CYP19A1: variants seen among roughly 807,000 people sequenced by gnomAD.
The protein encoded by CYP19A1 is aromatase.
CYP19A1 carries 32 observed loss-of-function variants against 44.4 expected under a neutral mutation model. The ratio of observed to expected loss-of-function variants is 0.72; its 90% confidence interval spans 0.54 to 0.97. The LOEUF (loss-of-function observed/expected upper bound fraction) is 0.97, where lower values mean the gene tolerates loss of function less well. Among genes scored for constraint, CYP19A1 ranks in the 50% least tolerant of loss-of-function variants. The probability of loss-of-function intolerance (pLI) is 0.00; values close to 1 mark genes in which losing one functional copy is unlikely to be tolerated. For missense variants in CYP19A1, 598 were observed against 637.8 expected, an observed-to-expected ratio of 0.94 and a Z score of 0.67; for synonymous variants, 212 against 215.6, an observed-to-expected ratio of 0.98 and a Z score of 0.14.
At chr15:51,304,133 C>T (rs2036167822) in intron 1 of CYP19A1, among the ~76,000 whole-genome samples, 1 of 152,136 alleles carries the variant, frequency 6.6e-6, no homozygotes, top group Non-Finnish European at 1.5e-5. Flanking sequence ...AAAATATTGA[C>T]CTTGTATTTA....
At chr15:51,224,422 C>T (rs569575183) in intron 4 of CYP19A1, among the ~76,000 whole-genome samples, 2 of 152,296 alleles carry the variant, frequency 1.3e-5, no homozygotes, top group South Asian at 4.1e-4. Context: ...CCCCTATTTC[C>T]TGAGATTATG....
At chr15:51,275,337 G>C (rs1325214736) in intron 1 of CYP19A1, among the ~76,000 whole-genome samples, 1 of 152,214 alleles carries the variant, frequency 6.6e-6, no homozygotes, top group African/African-American at 2.4e-5. Flanking sequence ...CAGTGGTTAA[G>C]GAGTCTCTTC....
intron 1 of CYP19A1, among the ~76,000 whole-genome samples, chr15:51,282,168 T>C (rs995345614): frequency 6.6e-6 from 1 of 152,218 alleles, no homozygotes; most frequent in Admixed American, 6.5e-5. Context: ...TTACCCTTGC[T>C]GATTTCACCC....
At position 51,267,917 on chromosome 15, in the gene CYP19A1, A is replaced by T. The variant is rs562611209; in HGVS notation, c.-38-24967T>A. On this transcript the variant is annotated intron_variant, in intron 1 of 9. Transcript: ENST00000396402. ...AGCCTGAACGCCACAACTGGTTGGC[A>T]CTAGGCATTGCTCCGCCTTCGCCCC... is the stretch of plus-strand genomic sequence containing the variant. Among the ~76,000 whole-genome samples the T allele has an allele frequency of 8.8e-4, 134 of 152,300 alleles. 6 individuals are homozygous for T. In the South Asian group the frequency reaches 0.026, roughly 30 times the overall value.
At position 51,222,245 on chromosome 15, in the gene CYP19A1, G is replaced by A. The variant is rs2032152787; in HGVS notation, c.628+104C>T. 6.3e-6 allele frequency: 10 copies of A among 1,587,920 alleles called. No individual in the cohort carries two copies. In the Admixed American group the frequency reaches 1.6e-4, roughly 25 times the overall value. ...AGTACTTAGAAATGTTTAAACAAGA[G>A]CAATGTAGAAAATGGCATGTGATTC... is the stretch of plus-strand genomic sequence containing the variant. On this transcript the variant is annotated intron_variant, in intron 5 of 9. Transcript: ENST00000396402.
chr15:51,266,657 T>C (rs1196199788), intron 1 of CYP19A1, among the ~76,000 whole-genome samples: 3 of 152,224 alleles, frequency 2.0e-5, no homozygotes, highest in Admixed American at 6.5e-5. Context: ...AAACAGCTCA[T>C]CTCTGCTCTT....
chr15:51,256,069 C>T (rs886101177), intron 1 of CYP19A1, among the ~76,000 whole-genome samples: 1 of 152,192 alleles, frequency 6.6e-6, no homozygotes, highest in East Asian at 1.9e-4. Context: ...CCAACAAATG[C>T]TTAATGGGCA....
chr15:51,229,860 A>G (rs1186446218), intron 3 of CYP19A1, among the ~76,000 whole-genome samples: 1 of 152,270 alleles, frequency 6.6e-6, no homozygotes, highest in East Asian at 1.9e-4. Flanking sequence ...TGCATACTGC[A>G]TTAATCATAT....
chr15:51,302,009 A>G (rs570002905), intron 1 of CYP19A1, among the ~76,000 whole-genome samples: 17 of 152,238 alleles, frequency 1.1e-4, no homozygotes, highest in South Asian at 2.1e-4. Flanking sequence ...AGAACTGGGT[A>G]TAATAAAGTG....
chr15:51,249,097 G>C (rs940690941), intron 1 of CYP19A1, among the ~76,000 whole-genome samples: 1 of 151,752 alleles, frequency 6.6e-6, no homozygotes, highest in African/African-American at 2.4e-5. Context: ...CCACTACCAC[G>C]CCCGTCCAAT....
At chr15:51,248,709 A>G (rs1032423519) in intron 1 of CYP19A1, among the ~76,000 whole-genome samples, 5 of 152,094 alleles carry the variant, frequency 3.3e-5, no homozygotes, top group African/African-American at 4.8e-5. Context: ...AGGCCTTCAT[A>G]CGTGCTTGTT....
intron 1 of CYP19A1, among the ~76,000 whole-genome samples, chr15:51,297,817 G>GAC (rs1159870053): frequency 0.16 from 17,898 of 111,536 alleles, 1,380 homozygotes; most frequent in Non-Finnish European, 0.17. Flanking sequence ...CTGTAGGCAT[G>GAC]ACACACACAC....
chr15:51,282,929 T>C (rs1190133957), intron 1 of CYP19A1, among the ~76,000 whole-genome samples: 1 of 152,218 alleles, frequency 6.6e-6, no homozygotes, highest in Non-Finnish European at 1.5e-5. Context: ...ACTCAGAATT[T>C]GTTATCACTC....
At chr15:51,302,538 C>T (rs532053118) in intron 1 of CYP19A1, among the ~76,000 whole-genome samples, 8 of 152,330 alleles carry the variant, frequency 5.3e-5, no homozygotes, top group East Asian at 1.9e-4. Context: ...GCAGGCAAAG[C>T]GTGATCCTTG....
chr15:51,297,869 C>CACACACACACACACACACA (rs3078038), intron 1 of CYP19A1, among the ~76,000 whole-genome samples: 23 of 149,456 alleles, frequency 1.5e-4, no homozygotes, highest in South Asian at 2.1e-4. Context: ...CACACACACA[C>CACACACACACACACACACA]CCTAGGCCTG....
chr15:51,259,434 G>A (rs2034634267), intron 1 of CYP19A1, among the ~76,000 whole-genome samples: 1 of 152,304 alleles, frequency 6.6e-6, no homozygotes, highest in East Asian at 1.9e-4. Context: ...ATTTGGGGGA[G>A]TGAATCGGAC....
intron 5 of CYP19A1, chr15:51,221,890 T>A (rs1287261316): frequency 1.1e-5 from 2 of 179,852 alleles, no homozygotes; most frequent in Non-Finnish European, 2.4e-5. Flanking sequence ...AATATTGACA[T>A]TTTTATCATA....
intron 4 of CYP19A1, 144 bp downstream of exon 4, chr15:51,227,635 G>A (rs1314486380): frequency 1.3e-5 from 3 of 235,808 alleles, no homozygotes; most frequent in African/African-American, 7.0e-5. Flanking sequence ...GTGAGCCAAG[G>A]TCACTCCTGC....
intron 5 of CYP19A1, 120 bp downstream of exon 5, chr15:51,222,228 GA>G: frequency 6.4e-7 from 1 of 1,550,744 alleles, no homozygotes; most frequent in Non-Finnish European, 8.7e-7. Context: ...GGAGTACTTA[GA>G]AATGTTTAAA....
Sources: allele counts gnomAD v4.1 joint callset (sites outside exome capture counted in the v4.1 genomes callset), GRCh38; gene constraint gnomAD v4.1.1; transcripts MANE v1.5; gene names NCBI Gene and HGNC (gene_info 2026-07-23, HGNC 2026-07-21).